Variants in MKRN2OS observed in about 807,000 individuals in gnomAD.
MKRN2OS encodes the protein MKRN2 opposite strand.
Under a neutral mutation model 18.2 loss-of-function variants are expected in MKRN2OS, and 17 were observed. The ratio of observed to expected loss-of-function variants is 0.93; its 90% CI spans 0.64 to 1.40. The LOEUF (loss-of-function observed/expected upper bound fraction) is 1.40, where lower values mean the gene tolerates loss of function less well. Ranked by LOEUF, MKRN2OS falls within the 40% of genes most tolerant of loss-of-function variation. The pLI, the probability that MKRN2OS is intolerant of heterozygous loss-of-function variation, is 0.00. For synonymous variants in MKRN2OS, 121 were observed against 108.5 expected, an observed-to-expected ratio of 1.12 and a Z score of -0.72; for missense variants, 337 against 283.0, an observed-to-expected ratio of 1.19 and a Z score of -1.37.
chr3:12,543,267 G>A, intron 1 of MKRN2OS, 38 bp from the exon 2 acceptor site: 1 of 1,504,494 alleles, frequency 6.6e-7, no homozygotes, highest in Non-Finnish European at 8.9e-7. Flanking sequence ...TGGTTTGCAT[G>A]TATTTGGCAT....
At chr3:12,557,344 C>T (rs570301636) in intron 1 of MKRN2OS, among the ~76,000 whole-genome samples, 1 of 152,172 alleles carries the variant, frequency 6.6e-6, no homozygotes, top group East Asian at 1.9e-4. Context: ...CCGCCACAGC[C>T]GGGGATCCGG....
intron 1 of MKRN2OS, among the ~76,000 whole-genome samples, chr3:12,555,129 G>A (rs560290834): frequency 6.6e-6 from 1 of 152,254 alleles, no homozygotes; most frequent in Admixed American, 6.5e-5. Context: ...GGGCAACAGG[G>A]TGAAACCCCG....
upstream of MKRN2OS, among the ~76,000 whole-genome samples, chr3:12,545,933 A>C (rs145217072): frequency 5.9e-5 from 9 of 152,280 alleles, no homozygotes; most frequent in African/African-American, 9.6e-5. Context: ...AGCCTCCCGG[A>C]GTAGCTGGGA....
At chr3:12,546,570 A>G (rs112816673), upstream of MKRN2OS, among the ~76,000 whole-genome samples, 1,605 of 135,488 alleles carry the variant, frequency 0.012, 28 homozygotes, top group African/African-American at 0.043. Flanking sequence ...TAAAGGGTAC[A>G]TGGGATTTTT....
rs775468764 is a variant in MKRN2OS at position 12,541,780 on chromosome 3, C to G, written c.431+80G>C. The G allele has an allele frequency of 6.1e-4, 860 of 1,414,580 alleles. 5 individuals are homozygous for G. In the Middle Eastern group the frequency reaches 6.9e-3, roughly 11 times the overall value. The allele number at this position is 1,414,580 out of a possible 1,614,324, so 87.6% of individuals were successfully genotyped here. A position where few individuals can be genotyped will look rare whatever the true frequency, so the allele number is the denominator to read the frequency against. ...ATGAAGCTAAGTGCTGCTGAGTCCT[C>G]TGTGAGCTGAGGCTACACGGGGATC... On this transcript the variant is annotated intron_variant, in intron 3 of 3. Transcript: ENST00000564146.
Position 12,540,204 on chromosome 3 carries a change from C to T in MKRN2OS, c.661G>A (p.Gly221Ser), listed in dbSNP as rs756617395. The T allele has an allele frequency of 1.6e-5, 24 of 1,535,984 alleles. No individual in the cohort carries two copies. Among genetic ancestry groups the T allele is most frequent in the Non-Finnish European group, 2.0e-5 (23 of 1,146,914 alleles). Reference protein sequence around the residue: ...QQQAQPPEGGGLC With the variant: ...QQQAQPPEGGSLC ...CGCTTACATAGCTCTCAGCACAAAC[C>T]GCCGCCCTCAGGGGGTTGTGCCTGC... The change falls in exon 4 of 4, where the codon GGT becomes AGT. Residue 221 changes from glycine to serine, a missense_variant. Coordinates refer to ENST00000564146, the MANE Select transcript of MKRN2OS (RefSeq NM_001195279.2).
downstream of MKRN2OS, among the ~76,000 whole-genome samples, chr3:12,553,513 C>T (rs1358083053): frequency 2.0e-5 from 3 of 151,554 alleles, no homozygotes; most frequent in Non-Finnish European, 2.9e-5. Context: ...CTTAATTTGG[C>T]AATGGATAGC....
rs2057821451 is a variant in MKRN2OS at position 12,542,001 on chromosome 3, G to T, written c.290C>A (p.Ala97Glu). ...NTNGVVYNYS[A>E]HGVQRDGEGW... ...TTCTCCGTCTCGCTGGACACCATGT[G>T]CACTGTAATTATACACAACCCCTGC... Residue 97 changes from alanine (A) to glutamate (E), a missense_variant, in exon 3 of 4, where the codon GCA becomes GAA. Transcript: ENST00000564146. 3 of 1,535,672 alleles carry T rather than the reference G, an allele frequency of 2.0e-6. No individual in the cohort carries two copies. Among genetic ancestry groups the T allele is most frequent in the South Asian group, 2.4e-5 (2 of 83,980 alleles).
At chr3:12,555,677 A>G (rs1281115602) in intron 1 of MKRN2OS, among the ~76,000 whole-genome samples, 2 of 152,238 alleles carry the variant, frequency 1.3e-5, no homozygotes, top group African/African-American at 4.8e-5. Context: ...GATGAACCCA[A>G]GCAATGACCT....
upstream of MKRN2OS, among the ~76,000 whole-genome samples, chr3:12,549,947 C>G (rs967975064): frequency 4.6e-5 from 7 of 152,106 alleles, no homozygotes; most frequent in Non-Finnish European, 1.0e-4. Flanking sequence ...CTGAGAATAC[C>G]AAATACTGGA....
chr3:12,540,877 CAAAAA>C (rs11369647), intron 3 of MKRN2OS, among the ~76,000 whole-genome samples: 1,845 of 59,660 alleles, frequency 0.031, 30 homozygotes, highest in Admixed American at 0.094. Context: ...GACTCCATCT[CAAAAA>C]AAAAAAAAAA....
intron 3 of MKRN2OS, among the ~76,000 whole-genome samples, chr3:12,540,869 C>T (rs1195682815): frequency 8.3e-6 from 1 of 120,780 alleles, no homozygotes; most frequent in Admixed American, 9.0e-5. Context: ...GTGAGTAAGA[C>T]TCCATCTCAA....
chr3:12,554,734 G>GA (rs1460299209), intron 1 of MKRN2OS, among the ~76,000 whole-genome samples: 8 of 152,062 alleles, frequency 5.3e-5, no homozygotes, highest in African/African-American at 1.7e-4. Flanking sequence ...ACGCTGTGCA[G>GA]AACAGTACGT....
intron 3 of MKRN2OS, 61 bp from the exon 4 acceptor site, chr3:12,540,494 A>G: frequency 1.3e-6 from 2 of 1,529,760 alleles, no homozygotes; most frequent in Non-Finnish European, 1.8e-6. Flanking sequence ...CTGTCAAGCT[A>G]CTGAAGGCCT....
intron 1 of MKRN2OS, among the ~76,000 whole-genome samples, chr3:12,558,660 A>G (rs2058006481): frequency 6.6e-6 from 1 of 152,230 alleles, no homozygotes; most frequent in South Asian, 2.1e-4. Context: ...TAGAGGCACA[A>G]GGACCTAAAT....
At chr3:12,554,384 A>G (rs2057950441) in intron 1 of MKRN2OS, among the ~76,000 whole-genome samples, 1 of 152,184 alleles carries the variant, frequency 6.6e-6, no homozygotes, top group Non-Finnish European at 1.5e-5. Flanking sequence ...GTACCATGAC[A>G]GTGGCAGGAA....
Position 12,545,402 on chromosome 3 carries a change from G to A in MKRN2OS, c.63C>T (p.Tyr21=), listed in dbSNP as rs2057872419. ...GGCAGCACTGGGGCACACTGAAGCT[G>A]TAGATGTATTTCTCACAGTGGTTGA... is the stretch of plus-strand genomic sequence containing the variant. ...IKFNHCEKYI[Y]SFSVPQCCPL... Residue 21 remains tyrosine, a synonymous_variant, in exon 1 of 4, where the codon TAC becomes TAT. Transcript: ENST00000564146. The A allele has an allele frequency of 3.9e-6, 6 of 1,535,764 alleles. No homozygotes were observed. The highest frequency in any genetic ancestry group is 5.2e-6 in the Non-Finnish European group (6 of 1,146,782).
At chr3:12,550,614 G>A (rs2057922772), downstream of MKRN2OS, among the ~76,000 whole-genome samples, 1 of 152,172 alleles carries the variant, frequency 6.6e-6, no homozygotes, top group African/African-American at 2.4e-5. Context: ...CCTCTTCCAA[G>A]TATATTTTAC....
At chr3:12,549,431 T>G (rs1344853214), upstream of MKRN2OS, among the ~76,000 whole-genome samples, 1 of 151,824 alleles carries the variant, frequency 6.6e-6, no homozygotes, top group Non-Finnish European at 1.5e-5. Flanking sequence ...TTAGTAGATA[T>G]GGGGTTTCAC....
Sources: gnomAD v4.1 joint callset for allele counts (sites outside exome capture counted in the v4.1 genomes callset) on GRCh38, gnomAD v4.1.1 for gene constraint, MANE v1.5 for transcripts, NCBI Gene and HGNC (gene_info 2026-07-23, HGNC 2026-07-21) for gene names.